ABCA12: variants seen among roughly 807,000 people sequenced by gnomAD.
The protein encoded by ABCA12 is glucosylceramide transporter ABCA12.
In ABCA12, 156 loss-of-function variants were observed where a neutral mutation model predicts 293.5. The ratio of observed to expected loss-of-function variants is 0.53; its 90% confidence interval spans 0.47 to 0.61. ABCA12 has a LOEUF of 0.61. Ranked by LOEUF, ABCA12 falls within the 20% of genes least tolerant of loss-of-function variation. The pLI is 0.00. For synonymous variants in ABCA12, 1,063 were observed against 1,108.0 expected, an observed-to-expected ratio of 0.96 and a Z score of 0.81; for missense variants, 2,797 against 3,090.2, an observed-to-expected ratio of 0.91 and a Z score of 2.25.
At chr2:215,137,246 G>A (rs1453221796) in intron 1 of ABCA12, among the ~76,000 whole-genome samples, 5 of 152,114 alleles carry the variant, frequency 3.3e-5, no homozygotes, top group African/African-American at 1.2e-4. Context: ...AGCCTGGAGC[G>A]AGATAAGGTG....
At chr2:214,983,441 G>A (rs1699714324) in intron 29 of ABCA12, among the ~76,000 whole-genome samples, 1 of 152,176 alleles carries the variant, frequency 6.6e-6, no homozygotes, top group Non-Finnish European at 1.5e-5. Flanking sequence ...CACAGATGAA[G>A]AGAGTTAAAC....
intron 8 of ABCA12, chr2:215,032,112 C>A: frequency 7.1e-7 from 1 of 1,408,790 alleles, no homozygotes; most frequent in Non-Finnish European, 9.2e-7. Flanking sequence ...AAAATAATCC[C>A]GATGGTCAAG....
At chr2:215,117,916 T>C (rs1702718358) in intron 1 of ABCA12, among the ~76,000 whole-genome samples, 1 of 152,242 alleles carries the variant, frequency 6.6e-6, no homozygotes, top group Non-Finnish European at 1.5e-5. Context: ...ACAGTTTTGT[T>C]ATTGTTTTCG....
Position 214,990,879 on chromosome 2 carries a change from C to T in ABCA12, c.3447G>A (p.Leu1149=), listed in dbSNP as rs560491432. ...CCGAGAAGCTGTAGTCCGAAAAATA[C>T]AGGAACAAAATGAACCCATTTGTTT... ...LPKTNGFILF[L]YFSDYSFSVI... Residue 1149 remains leucine (L), a synonymous_variant, in exon 24 of 53, where the codon CTG becomes CTA. Transcript: ENST00000272895. 29 of 1,613,858 alleles carry T rather than the reference C, an allele frequency of 1.8e-5. 1 individual carries two copies. The South Asian group carries it at 2.9e-4, about 16-fold the overall frequency.
chr2:215,136,516 A>C (rs1021299616), intron 1 of ABCA12, among the ~76,000 whole-genome samples: 1 of 152,190 alleles, frequency 6.6e-6, no homozygotes, highest in Non-Finnish European at 1.5e-5. Flanking sequence ...AACAGACCTC[A>C]GCATTCAGAT....
chr2:215,093,719 C>A (rs982920995), intron 2 of ABCA12, among the ~76,000 whole-genome samples: 1 of 152,200 alleles, frequency 6.6e-6, no homozygotes, highest in Non-Finnish European at 1.5e-5. Flanking sequence ...TTCCTCACAC[C>A]TGATGCATAT....
intron 2 of ABCA12, among the ~76,000 whole-genome samples, chr2:215,066,779 T>C (rs1226423705): frequency 6.6e-6 from 1 of 152,150 alleles, no homozygotes; most frequent in African/African-American, 2.4e-5. Flanking sequence ...CAGAGTGCCA[T>C]GCAGAGCATG....
intron 50 of ABCA12, 73 bp from the exon 51 acceptor site, chr2:214,937,688 T>C (rs1698263938): frequency 1.8e-6 from 2 of 1,096,574 alleles, no homozygotes; most frequent in Non-Finnish European, 2.8e-6. Flanking sequence ...TTCTAGATAA[T>C]GAAACAGGAC....
intron 23 of ABCA12, among the ~76,000 whole-genome samples, chr2:214,996,714 G>T (rs1297847246): frequency 6.6e-6 from 1 of 152,124 alleles, no homozygotes; most frequent in East Asian, 1.9e-4. Context: ...TCAAATACGG[G>T]GACAACCCTG....
intron 19 of ABCA12, among the ~76,000 whole-genome samples, chr2:215,006,097 T>C (rs780352953): frequency 5.9e-5 from 9 of 152,208 alleles, no homozygotes; most frequent in Non-Finnish European, 1.2e-4. Flanking sequence ...ATCCTTCCAT[T>C]AGATGATGAT....
intron 1 of ABCA12, among the ~76,000 whole-genome samples, chr2:215,131,176 C>T (rs1703046369): frequency 6.6e-6 from 1 of 151,884 alleles, no homozygotes; most frequent in South Asian, 2.1e-4. Flanking sequence ...AAATATTGGC[C>T]TGTAGTTTTC....
At chr2:215,063,001 T>A (rs1701565770) in intron 3 of ABCA12, among the ~76,000 whole-genome samples, 1 of 151,976 alleles carries the variant, frequency 6.6e-6, no homozygotes, top group African/African-American at 2.4e-5. Context: ...AGCCTCTCAG[T>A]CTATTAATCT....
intron 22 of ABCA12, chr2:214,999,909 A>G (rs1212327024): frequency 1.3e-6 from 1 of 768,600 alleles, no homozygotes. Flanking sequence ...GAAAAATCCA[A>G]TACCATCTGA....
At chr2:215,071,382 A>G (rs1701736095) in intron 2 of ABCA12, among the ~76,000 whole-genome samples, 1 of 152,104 alleles carries the variant, frequency 6.6e-6, no homozygotes, top group African/African-American at 2.4e-5. Context: ...CCGAGAAATC[A>G]AGCAATTTGG....
intron 2 of ABCA12, among the ~76,000 whole-genome samples, chr2:215,099,642 C>A (rs1702313977): frequency 6.7e-6 from 1 of 150,346 alleles, no homozygotes; most frequent in South Asian, 2.1e-4. Flanking sequence ...GTAGTGAGCC[C>A]ACATCACGCC....
chr2:214,999,790 G>A, intron 22 of ABCA12: 1 of 984,596 alleles, frequency 1.0e-6, no homozygotes, highest in South Asian at 4.7e-5. Flanking sequence ...CTCCTTACCT[G>A]CTTCCTCATG....
Position 215,026,859 on chromosome 2 carries a change from C to G in ABCA12, c.1141G>C (p.Val381Leu), listed in dbSNP as rs143513000. Residue 381 changes from valine to leucine, a missense_variant, in exon 10 of 53, where the codon GTG (valine) becomes CTG (leucine). Coordinates refer to ENST00000272895, the MANE Select transcript of ABCA12 (RefSeq NM_173076.3). ...GCCAAACTGTCAGTCACATTTCTCA[C>G]ACATGCCAAGTAAGGAATATAAGGA... The part of the protein sequence containing the change: ...NSPYIPYLAC[V>L]RNVTDSLARG... 2,822 of 1,613,596 alleles carry G rather than the reference C, an allele frequency of 1.7e-3. 4 individuals are homozygous for G. Among genetic ancestry groups the G allele is most frequent in the Non-Finnish European group, 2.2e-3 (2,606 of 1,179,534 alleles).
intron 5 of ABCA12, among the ~76,000 whole-genome samples, chr2:215,051,351 G>A (rs1701315792): frequency 6.6e-6 from 1 of 152,028 alleles, no homozygotes; most frequent in African/African-American, 2.4e-5. Context: ...CTCTATTTTG[G>A]CCAGCATGGG....
At chr2:215,119,661 A>C (rs1238722572) in intron 1 of ABCA12, among the ~76,000 whole-genome samples, 1 of 149,752 alleles carries the variant, frequency 6.7e-6, no homozygotes, top group Non-Finnish European at 1.5e-5. Context: ...TTCCATTGTT[A>C]TATGCACCTG....
Sources: allele counts gnomAD v4.1 joint callset (sites outside exome capture counted in the v4.1 genomes callset), GRCh38; gene constraint gnomAD v4.1.1; transcripts MANE v1.5; gene names NCBI Gene and HGNC (gene_info 2026-07-23, HGNC 2026-07-21).